The following IL1RAP variants were observed in gnomAD, a reference collection of about 807,000 sequenced individuals.
IL1RAP encodes the protein interleukin 1 receptor accessory protein, also known as interleukin-1 receptor accessory protein.
IL1RAP carries 35 observed loss-of-function variants against 60.7 expected under a neutral mutation model. That is an observed-to-expected ratio of 0.58 (90% CI 0.44 to 0.76). The LOEUF (loss-of-function observed/expected upper bound fraction) is 0.76. Among genes scored for constraint, IL1RAP ranks in the 30% least tolerant of loss-of-function variants. IL1RAP has a pLI of 0.00. For synonymous variants in IL1RAP, 268 were observed against 250.9 expected (o/e 1.07, Z -0.64); for missense variants, 572 against 693.9 (o/e 0.82, Z 1.97).
At position 190,645,741 on chromosome 3, in the gene IL1RAP, C is replaced by A. The variant is rs773448408; in HGVS notation, c.1244C>A (p.Ala415Glu). Reference protein sequence around the residue: ...YDIYVSYARNAEEEEFVLLTL... With the variant: ...YDIYVSYARNEEEEEFVLLTL... ...ATTTATGTATCCTATGCAAGGAATG[C>A]GGAAGAAGAAGAATTTGTATTACTG... The change falls in exon 11 of 12, where the codon GCG (alanine) becomes GAG (glutamate). Residue 415 changes from alanine to glutamate, a missense_variant. Physicochemically the swap from Ala to Glu is moderately radical, Grantham distance 107. Coordinates refer to ENST00000447382, the MANE Select transcript of IL1RAP (RefSeq NM_002182.4). 3.1e-6 allele frequency: 5 copies of A among 1,611,240 alleles called. No individual in the cohort carries two copies. Among genetic ancestry groups the A allele is most frequent in the Admixed American group, 1.7e-5 (1 of 59,950 alleles).
At chr3:190,654,725 G>A (rs957996672), downstream of IL1RAP, among the ~76,000 whole-genome samples, 6 of 152,126 alleles carry the variant, frequency 3.9e-5, no homozygotes, top group South Asian at 4.1e-4. Context: ...TTACTGTTTC[G>A]TCCCTGGACC....
intron 3 of IL1RAP, among the ~76,000 whole-genome samples, chr3:190,582,888 A>G (rs187077190): frequency 6.6e-6 from 1 of 152,328 alleles, no homozygotes; most frequent in South Asian, 2.1e-4. Context: ...TGCCCCTGGC[A>G]GTGAAGTTTT....
At position 190,598,295 on chromosome 3, in the gene IL1RAP, C is replaced by T. The variant is rs578166118; in HGVS notation, c.65-5833C>T. 1.8e-3 allele frequency among the ~76,000 whole-genome samples: 281 copies of T among 152,204 alleles called. 2 individuals are homozygous for T. Among genetic ancestry groups the T allele is most frequent in the African/African-American group, 6.4e-3 (265 of 41,532 alleles). On this transcript the variant is annotated intron_variant, in intron 3 of 11. Transcript: ENST00000447382. ...AACAGTATAATGAAATTGCAGACTCCATTTGCTATCCAACTGTTTTCTTCC... is the reference window on the plus strand; with the variant it reads ...AACAGTATAATGAAATTGCAGACTCTATTTGCTATCCAACTGTTTTCTTCC...
chr3:190,522,419 G>GTATCTATCTATCTATCTATC (rs36196626), intron 1 of IL1RAP, among the ~76,000 whole-genome samples: 1 of 142,634 alleles, frequency 7.0e-6, no homozygotes, highest in African/African-American at 2.7e-5. Flanking sequence ...ATGTATCTAT[G>GTATCTATCTATCTATCTATC]TATCTATCTA....
chr3:190,554,004 T>G (rs1220282761), intron 1 of IL1RAP, among the ~76,000 whole-genome samples: 13 of 132,730 alleles, frequency 9.8e-5, no homozygotes, highest in African/African-American at 3.5e-4. Flanking sequence ...GAGCTTGCAG[T>G]GAGCCGAGAT....
intron 1 of IL1RAP, among the ~76,000 whole-genome samples, chr3:190,542,886 T>C (rs952776070): frequency 2.7e-5 from 4 of 150,152 alleles, no homozygotes; most frequent in African/African-American, 9.8e-5. Context: ...GGAATTTTTT[T>C]TTTTTTTTTT....
At chr3:190,527,684 ATT>A (rs58914187) in intron 1 of IL1RAP, among the ~76,000 whole-genome samples, 18,842 of 112,780 alleles carry the variant, frequency 0.17, 1,294 homozygotes, top group Middle Eastern at 0.42. Flanking sequence ...GCTTGTTTAC[ATT>A]TTTTTTTTTT....
chr3:190,601,893 A>C (rs1729892606), intron 3 of IL1RAP, among the ~76,000 whole-genome samples: 1 of 152,108 alleles, frequency 6.6e-6, no homozygotes, highest in South Asian at 2.1e-4. Context: ...ACTTGTTCTC[A>C]TAGTGACAAC....
chr3:190,591,756 A>G lies in IL1RAP; in HGVS notation c.65-12372A>G, dbSNP rs561739125. ...GCTGTTTGATTATTATATTAAAATA[A>G]TCATTGAATTTTTACATCTTAATCA... On this transcript the variant is annotated intron_variant, in intron 3 of 11. Transcript: ENST00000447382. Among the ~76,000 whole-genome samples, 38 of 152,214 alleles carry G rather than the reference A, an allele frequency of 2.5e-4. 1 individual carries two copies. The highest frequency in any genetic ancestry group is 5.3e-4 in the Non-Finnish European group (36 of 68,024).
At chr3:190,522,419 G>GTATCTGTC (rs1553824817) in intron 1 of IL1RAP, among the ~76,000 whole-genome samples, 1 of 142,634 alleles carries the variant, frequency 7.0e-6, no homozygotes, top group Non-Finnish European at 1.5e-5. Flanking sequence ...ATGTATCTAT[G>GTATCTGTC]TATCTATCTA....
chr3:190,620,250 C>CGT (rs1560219476), intron 5 of IL1RAP, 25 bp from the exon 6 acceptor site: 1 of 974,644 alleles, frequency 1.0e-6, no homozygotes, highest in Non-Finnish European at 1.4e-6. Flanking sequence ...AAAAAGTAAA[C>CGT]TTTTTTTTTT....
At chr3:190,603,794 C>T (rs1421721783) in intron 3 of IL1RAP, among the ~76,000 whole-genome samples, 1 of 152,166 alleles carries the variant, frequency 6.6e-6, no homozygotes, top group East Asian at 1.9e-4. Flanking sequence ...TTACAATTTC[C>T]TCCTTAAACC....
intron 3 of IL1RAP, among the ~76,000 whole-genome samples, chr3:190,568,935 A>G (rs1313199828): frequency 6.6e-6 from 1 of 152,228 alleles, no homozygotes; most frequent in African/African-American, 2.4e-5. Flanking sequence ...AAAGTTTGAG[A>G]GAAGGAAGAG....
chr3:190,655,930 A>G (rs1357762123), downstream of IL1RAP: 1 of 1,537,416 alleles, frequency 6.5e-7, no homozygotes, highest in Non-Finnish European at 8.7e-7. Flanking sequence ...GAGAAGCAGA[A>G]GGATGATTGT....
intron 7 of IL1RAP, among the ~76,000 whole-genome samples, chr3:190,623,685 C>A (rs570121076): frequency 1.2e-4 from 18 of 152,306 alleles, no homozygotes; most frequent in Non-Finnish European, 2.6e-4. Flanking sequence ...CTGTTTGATG[C>A]AAACTTTAGC....
intron 3 of IL1RAP, among the ~76,000 whole-genome samples, chr3:190,586,626 A>G (rs1173733742): frequency 6.6e-6 from 1 of 152,186 alleles, no homozygotes; most frequent in East Asian, 1.9e-4. Context: ...GTGATTTTCT[A>G]CCAGCATGAA....
chr3:190,610,378 A>G (rs1730718672), intron 5 of IL1RAP, among the ~76,000 whole-genome samples: 1 of 152,070 alleles, frequency 6.6e-6, no homozygotes, highest in Non-Finnish European at 1.5e-5. Context: ...TATATATATT[A>G]TATAACTCCA....
downstream of IL1RAP, among the ~76,000 whole-genome samples, chr3:190,655,321 A>G (rs566090474): frequency 5.3e-5 from 8 of 152,324 alleles, no homozygotes; most frequent in African/African-American, 1.7e-4. Flanking sequence ...AGGCCATGTC[A>G]TTTATGGAAT....
chr3:190,537,472 C>T (rs537446268), intron 1 of IL1RAP, among the ~76,000 whole-genome samples: 14 of 152,196 alleles, frequency 9.2e-5, no homozygotes, highest in Admixed American at 4.6e-4. Context: ...ACAGTAAATA[C>T]GAATGATTTG....
Sources: allele counts gnomAD v4.1 joint callset (sites outside exome capture counted in the v4.1 genomes callset), GRCh38; gene constraint gnomAD v4.1.1; transcripts MANE v1.5; gene names NCBI Gene and HGNC (gene_info 2026-07-23, HGNC 2026-07-21).